SOHLH1: variants seen among roughly 807,000 people sequenced by gnomAD.
SOHLH1 encodes the protein spermatogenesis and oogenesis specific basic helix-loop-helix 1, also known as spermatogenesis- and oogenesis-specific basic helix-loop-helix-containing protein 1.
SOHLH1 carries 23 observed loss-of-function variants against 36.2 expected under a neutral mutation model. The ratio of observed to expected loss-of-function variants is 0.64; its 90% CI spans 0.46 to 0.90. The LOEUF (loss-of-function observed/expected upper bound fraction) is 0.90. Among genes scored for constraint, SOHLH1 ranks in the 40% least tolerant of loss-of-function variants. SOHLH1 has a pLI of 0.00. For synonymous variants in SOHLH1, 289 were observed against 228.3 expected (o/e 1.27, Z -2.40); for missense variants, 608 against 517.0 (o/e 1.18, Z -1.71).
intron 5 of SOHLH1, among the ~76,000 whole-genome samples, chr9:135,695,507 G>A (rs1588230975): frequency 6.6e-6 from 1 of 152,148 alleles, no homozygotes; most frequent in South Asian, 2.1e-4. Context: ...TTCCTAGAGG[G>A]GGTGCTGGCT....
In SOHLH1 at chr9:135,694,418, G is replaced by C; in HGVS notation, c.915C>G (p.Phe305Leu). ...ACGAGCTGGGACCAGCAGTCAGCAG[G>C]AAGGACGTCCCATCGTCCACATCAG... Reference protein sequence around the residue: ...LGSDVDDGTSFLLTAGPSSWP... With the variant: ...LGSDVDDGTSLLLTAGPSSWP... The change falls in exon 7 of 8, where the codon TTC becomes TTG. Residue 305 changes from phenylalanine to leucine, a missense_variant. Coordinates refer to ENST00000425225, the MANE Select transcript of SOHLH1 (RefSeq NM_001101677.2). The C allele has an allele frequency of 6.2e-7, 1 of 1,613,258 alleles. No homozygotes were observed. The highest frequency in any genetic ancestry group is 8.5e-7 in the Non-Finnish European group (1 of 1,180,010).
In SOHLH1 at chr9:135,693,788, C is replaced by T. The variant is rs769852466; in HGVS notation, c.973G>A (p.Gly325Ser). ...CTCTCAGCTGGGGCCCATGCAGGGC[C>T]ACTGCCTCCTCGACCCTCCAGAGAC... The part of the protein sequence containing the change: ...PGSLEGRGGS[G>S]PAWAPAESSP... Residue 325 changes from glycine to serine, a missense_variant, in exon 8 of 8, where the codon GGC becomes AGC. By Grantham distance (56) the Gly-to-Ser change is moderately conservative. Transcript: ENST00000425225. The T allele has an allele frequency of 7.6e-6, 12 of 1,579,562 alleles. No homozygotes were observed. In the South Asian group the frequency reaches 1.2e-4, roughly 15 times the overall value.
Position 135,696,620 on chromosome 9 carries a change from G to A in SOHLH1, c.653C>T (p.Pro218Leu), listed in dbSNP as rs764279580. Reference protein sequence around the residue: ...GLCQVRGGLPPFSEPSSLVPW... With the variant: ...GLCQVRGGLPLFSEPSSLVPW... Reference sequence around the variant, plus strand: ...GCACACCCAGGACTCACCTGAGAAAGGGGGCAGCCCACCCCGCACCTGGCA... The same window carrying A: ...GCACACCCAGGACTCACCTGAGAAAAGGGGCAGCCCACCCCGCACCTGGCA... Residue 218 changes from proline (P) to leucine (L), a missense_variant, in exon 5 of 8, where the codon CCT becomes CTT. Pro to Leu is a moderately conservative substitution (Grantham distance 98, BLOSUM62 -3). Transcript: ENST00000425225. The A allele has an allele frequency of 3.1e-6, 5 of 1,612,228 alleles. No individual in the cohort carries two copies. The highest frequency in any genetic ancestry group is 2.2e-5 in the East Asian group (1 of 44,878).
At position 135,693,682 on chromosome 9, in the gene SOHLH1, T is replaced by G. The variant is rs201936909; in HGVS notation, c.1079A>C (p.Glu360Ala). Residue 360 changes from glutamate to alanine, a missense_variant, in exon 8 of 8, where the codon GAG becomes GCG. Coordinates refer to ENST00000425225, the MANE Select transcript of SOHLH1 (RefSeq NM_001101677.2). ...ACAGTCCACATCCAGGCCCCACGGC[T>G]CCAGAGGGCTGTCCTGGAGCTCCTG... The part of the protein sequence containing the change: ...GSQELQDSPL[E>A]PWGLDVDCAG... The G allele has an allele frequency of 4.4e-6, 7 of 1,581,568 alleles. No homozygotes were observed. The African/African-American group carries it at 9.4e-5, about 21-fold the overall frequency.
chr9:135,701,073 G>A (rs1300753118), upstream of SOHLH1, among the ~76,000 whole-genome samples: 3 of 152,236 alleles, frequency 2.0e-5, no homozygotes, highest in Non-Finnish European at 4.4e-5. Context: ...TGCCCCGGCG[G>A]CACCCGCCCA....
In SOHLH1 at chr9:135,696,697, G is replaced by A. The variant is rs752653225; in HGVS notation, c.576C>T (p.Pro192=). The A allele has an allele frequency of 6.8e-6, 11 of 1,612,982 alleles. No individual in the cohort carries two copies. The highest frequency in any genetic ancestry group is 5.0e-5 in the Admixed American group (3 of 60,014). Residue 192 remains proline, a synonymous_variant, in exon 5 of 8, where the codon CCC becomes CCT. Coordinates refer to ENST00000425225, the MANE Select transcript of SOHLH1 (RefSeq NM_001101677.2). ...CCGTGCCCAGGGACGTGCAGCTCGC[G>A]GGGTCCCACTGCCTGGAGGACGCAA... ...HILASSRQWD[P]ASCTSLGTDK...
rs780738779 is a variant in SOHLH1 at position 135,699,030 on chromosome 9, G to A, written c.162C>T (p.Cys54=). ...TCTCGCTGATCACGTTCCGCCGAAG[G>A]CAGGAGCTGGGACCCTCGGCCACCG... ...APTVAEGPSS[C]LRRNVISERE... Residue 54 remains cysteine, a synonymous_variant, in exon 2 of 8, where the codon TGC becomes TGT. Transcript: ENST00000425225. 35 of 1,611,512 alleles carry A rather than the reference G, an allele frequency of 2.2e-5. No individual in the cohort carries two copies. Among genetic ancestry groups the A allele is most frequent in the Non-Finnish European group, 3.0e-5 (35 of 1,179,740 alleles).
intron 7 of SOHLH1, 103 bp from the exon 8 acceptor site, chr9:135,693,917 C>T: frequency 6.8e-7 from 1 of 1,467,776 alleles, no homozygotes; most frequent in Non-Finnish European, 9.0e-7. Context: ...AGTCCGTCTG[C>T]CCTGCCCTGT....
At position 135,693,630 on chromosome 9, in the gene SOHLH1, C is replaced by T; in HGVS notation, c.1131G>A (p.Val377=). The T allele has an allele frequency of 6.3e-7, 1 of 1,585,624 alleles. No homozygotes were observed. Among genetic ancestry groups the T allele is most frequent in the Non-Finnish European group, 8.6e-7 (1 of 1,166,278 alleles). ...CAAAGAAGTCAGGGAAGATGCTCTCCACCTCGTCCTTCAGGGCCAGGCCTG... is the reference window on the plus strand; with the variant it reads ...CAAAGAAGTCAGGGAAGATGCTCTCTACCTCGTCCTTCAGGGCCAGGCCTG... The part of the protein sequence containing the change: ...DCAGLALKDE[V]ESIFPDFFAC The change falls in exon 8 of 8, where the codon GTG becomes GTA. Residue 377 remains valine (V), a synonymous_variant. Coordinates refer to ENST00000425225, the MANE Select transcript of SOHLH1 (RefSeq NM_001101677.2).
Position 135,696,658 on chromosome 9 carries a change from T to C in SOHLH1, c.615A>G (p.Ala205=), listed in dbSNP as rs1834812526. 6.2e-7 allele frequency: 1 copy of C among 1,612,662 alleles called. No individual in the cohort carries two copies. The highest frequency in any genetic ancestry group is 8.5e-7 in the Non-Finnish European group (1 of 1,179,858). ...CCCGCACCTGGCACAGCCCCAACAGTGCCTCACACTTGTCCGTGCCCAGGG... is the reference window on the plus strand; with the variant it reads ...CCCGCACCTGGCACAGCCCCAACAGCGCCTCACACTTGTCCGTGCCCAGGG... ...CTSLGTDKCE[A]LLGLCQVRGG... The change falls in exon 5 of 8, where the codon GCA becomes GCG. Residue 205 remains alanine (A), a synonymous_variant. Coordinates refer to ENST00000425225, the MANE Select transcript of SOHLH1 (RefSeq NM_001101677.2).
At chr9:135,699,160 A>T in intron 1 of SOHLH1, 34 bp from the exon 2 acceptor site, 1 of 1,564,784 alleles carries the variant, frequency 6.4e-7, no homozygotes, top group South Asian at 1.1e-5. Flanking sequence ...GGGCCCTGAG[A>T]ACCCCAGAAA....
At chr9:135,699,688 T>G (rs1320007382), upstream of SOHLH1, among the ~76,000 whole-genome samples, 1 of 151,276 alleles carries the variant, frequency 6.6e-6, no homozygotes, top group Non-Finnish European at 1.5e-5. Flanking sequence ...GGAAAGGGAC[T>G]CGGGGGGTCC....
intron 6 of SOHLH1, among the ~76,000 whole-genome samples, 189 bp from the exon 7 acceptor site, chr9:135,694,646 G>A (rs557881613): frequency 1.5e-4 from 23 of 152,230 alleles, no homozygotes; most frequent in African/African-American, 5.1e-4. Context: ...ACGGGCCAGC[G>A]GCTCTCGCGG....
chr9:135,702,035 C>G (rs920942852), upstream of SOHLH1: 3 of 507,840 alleles, frequency 5.9e-6, no homozygotes, highest in African/African-American at 6.2e-5. Context: ...GATCGCCCTC[C>G]CTACCCCGCA....
chr9:135,694,209 A>C (rs1834700153), intron 7 of SOHLH1, 178 bp downstream of exon 7: 1 of 1,449,334 alleles, frequency 6.9e-7, no homozygotes. Flanking sequence ...CTCACATATC[A>C]CCTATAACGC....
intron 6 of SOHLH1, among the ~76,000 whole-genome samples, chr9:135,694,746 C>A (rs1588229642): frequency 1.3e-5 from 2 of 152,122 alleles, no homozygotes; most frequent in Admixed American, 1.3e-4. Context: ...TCCCCTCCCC[C>A]TCCCACACCC....
At chr9:135,696,090 C>A (rs1252072116) in intron 5 of SOHLH1, among the ~76,000 whole-genome samples, 1 of 42,360 alleles carries the variant, frequency 2.4e-5, no homozygotes, top group Non-Finnish European at 5.0e-5. Context: ...CCACTTCCCA[C>A]AGACCCAGGA....
intron 6 of SOHLH1, 148 bp downstream of exon 6, chr9:135,694,902 G>A (rs1038542322): frequency 5.0e-5 from 45 of 900,968 alleles, no homozygotes; most frequent in African/African-American, 8.2e-5. Context: ...TGTGGCCTTG[G>A]CCTCCCTCCC....
chr9:135,697,351 G>GCCAC (rs942563477), intron 4 of SOHLH1, among the ~76,000 whole-genome samples, 155 bp downstream of exon 4: 11 of 152,260 alleles, frequency 7.2e-5, no homozygotes, highest in Admixed American at 1.3e-4. Context: ...CTCACACCTG[G>GCCAC]CCACCTGAGT....
Sources: allele counts gnomAD v4.1 joint callset (sites outside exome capture counted in the v4.1 genomes callset), GRCh38; gene constraint gnomAD v4.1.1; transcripts MANE v1.5; gene names NCBI Gene and HGNC (gene_info 2026-07-23, HGNC 2026-07-21).